BCL2L13: variants seen among roughly 807,000 people sequenced by gnomAD.
BCL2L13 encodes the protein bcl-2-like protein 13.
A neutral mutation model predicts 25.8 loss-of-function variants in BCL2L13; 13 were observed. That is an observed-to-expected ratio of 0.50 (90% CI 0.33 to 0.80). The LOEUF is 0.80. BCL2L13 is among the 30% of genes least tolerant of loss of function. The pLI is 0.02. For synonymous variants in BCL2L13, 244 were observed against 230.3 expected (o/e 1.06, Z -0.54); for missense variants, 504 against 574.9 (o/e 0.88, Z 1.26).
At chr22:17,725,993 A>T (rs1033912085) in intron 6 of BCL2L13, among the ~76,000 whole-genome samples, 1 of 151,966 alleles carries the variant, frequency 6.6e-6, no homozygotes, top group Non-Finnish European at 1.5e-5. Flanking sequence ...TTTGCCTGCA[A>T]CCCACCACAT....
exon 1 of BCL2L13, chr22:17,628,927 G>T: frequency 2.0e-6 from 1 of 502,846 alleles, no homozygotes; most frequent in Non-Finnish European, 3.6e-6. Flanking sequence ...CCTAAACTGG[G>T]ATCTTGGGTA....
intron 6 of BCL2L13, among the ~76,000 whole-genome samples, chr22:17,704,764 C>T (rs1473962272): frequency 6.6e-6 from 1 of 152,258 alleles, no homozygotes; most frequent in Middle Eastern, 3.4e-3. Flanking sequence ...ATGAACTGCA[C>T]TGAAATCTAC....
chr22:17,634,664 C>G (rs1206511738), upstream of BCL2L13, among the ~76,000 whole-genome samples: 1 of 152,098 alleles, frequency 6.6e-6, no homozygotes, highest in Non-Finnish European at 1.5e-5. Flanking sequence ...ATTGATTGGC[C>G]AGGCGTGGTG....
At chr22:17,711,304 C>CTTTTTCTTTTTTTT (rs2060752017) in intron 6 of BCL2L13, among the ~76,000 whole-genome samples, 1 of 125,388 alleles carries the variant, frequency 8.0e-6, no homozygotes, top group Non-Finnish European at 1.7e-5. Context: ...CATGATGGGC[C>CTTTTTCTTTTTTTT]TTTTTTTTTT....
Position 17,689,117 on chromosome 22 carries a change from AAAGC to A in BCL2L13, c.363_366del (p.Lys121AsnfsTer6). ...CCAGGAACTGAAAGAGCCTCTCCAT[AAAGC>A]ATTGCAAATGCTCCTGAGCCAGTGA... On this transcript the variant is annotated frameshift_variant, in exon 4 of 7. Coordinates refer to ENST00000317582, the MANE Select transcript of BCL2L13 (RefSeq NM_015367.4). LOFTEE classifies it high-confidence loss of function. The A allele has an allele frequency of 6.2e-7, 1 of 1,614,068 alleles. No individual in the cohort carries two copies. The highest frequency in any genetic ancestry group is 8.5e-7 in the Non-Finnish European group (1 of 1,179,972).
At chr22:17,634,908 ACTGTACT>A (rs1203286269), upstream of BCL2L13, among the ~76,000 whole-genome samples, 1 of 151,776 alleles carries the variant, frequency 6.6e-6, no homozygotes, top group Non-Finnish European at 1.5e-5. Flanking sequence ...TGATCACATC[ACTGTACT>A]CTAGCCTGGG....
intron 6 of BCL2L13, among the ~76,000 whole-genome samples, chr22:17,712,882 G>A (rs1176307671): frequency 6.6e-6 from 1 of 152,080 alleles, no homozygotes; most frequent in Non-Finnish European, 1.5e-5. Flanking sequence ...GCAAAGTTTG[G>A]GATATTACTG....
intron 3 of BCL2L13, among the ~76,000 whole-genome samples, chr22:17,685,557 T>C (rs143942158): frequency 0.012 from 1,829 of 152,164 alleles, 46 homozygotes; most frequent in African/African-American, 0.042. Flanking sequence ...GTCATCCATG[T>C]TGTAGCATGT....
At chr22:17,675,430 G>A (rs754475906) in intron 2 of BCL2L13, among the ~76,000 whole-genome samples, 6 of 152,154 alleles carry the variant, frequency 3.9e-5, no homozygotes, top group Non-Finnish European at 5.9e-5. Flanking sequence ...TTCTGATTAA[G>A]GGGAGGTCAA....
Position 17,727,614 on chromosome 22 carries a change from T to G in BCL2L13, c.*80T>G. ...GGAATTTGAACCTCCAGCAGCTGTC[T>G]GGACATTTGTGGAACACTCTGGGAT... On this transcript the variant is annotated 3_prime_UTR_variant, in exon 7 of 7. Coordinates refer to ENST00000317582, the MANE Select transcript of BCL2L13 (RefSeq NM_015367.4). 1 of 1,550,994 alleles carries G rather than the reference T, an allele frequency of 6.4e-7. No individual in the cohort carries two copies. The highest frequency in any genetic ancestry group is 2.3e-5 in the East Asian group (1 of 44,324).
intron 6 of BCL2L13, among the ~76,000 whole-genome samples, chr22:17,719,169 A>AG (rs1333699312): frequency 1.3e-5 from 2 of 151,102 alleles, no homozygotes; most frequent in Non-Finnish European, 3.0e-5. Flanking sequence ...AAAAAAAAAA[A>AG]AAAAAAAAGA....
chr22:17,669,843 CTGTT>C (rs1172765256), intron 2 of BCL2L13, among the ~76,000 whole-genome samples: 2 of 152,184 alleles, frequency 1.3e-5, no homozygotes, highest in Non-Finnish European at 2.9e-5. Context: ...CCTCGGGACT[CTGTT>C]TGAGGTCAAA....
chr22:17,639,534 T>A (rs958914803), intron 1 of BCL2L13, among the ~76,000 whole-genome samples: 3 of 152,176 alleles, frequency 2.0e-5, no homozygotes, highest in African/African-American at 4.8e-5. Flanking sequence ...GGCTCTAACC[T>A]AGCGTTGAAA....
chr22:17,719,250 C>T (rs1322182326), intron 6 of BCL2L13, among the ~76,000 whole-genome samples: 10 of 150,490 alleles, frequency 6.6e-5, no homozygotes, highest in African/African-American at 1.2e-4. Flanking sequence ...TTGAATTACA[C>T]GTCATTCTAA....
chr22:17,644,949 A>G (rs913545762), intron 1 of BCL2L13, among the ~76,000 whole-genome samples: 2 of 150,438 alleles, frequency 1.3e-5, no homozygotes, highest in Non-Finnish European at 2.9e-5. Context: ...AGCTGGGATT[A>G]TAGGCACACG....
In BCL2L13 at chr22:17,655,675, A is replaced by G. The variant is rs184553882; in HGVS notation, c.-37A>G. ...TTTTGTTCTTAGGTTTTACACATCC[A>G]TAAGTAGACCTTTTTGGAGCCTCAC... On this transcript the variant is annotated 5_prime_UTR_variant, in exon 2 of 7. Coordinates refer to ENST00000317582, the MANE Select transcript of BCL2L13 (RefSeq NM_015367.4). 1.4e-5 allele frequency: 22 copies of G among 1,602,776 alleles called. No homozygotes were observed. The East Asian group carries it at 4.0e-4, about 29-fold the overall frequency.
At chr22:17,714,306 G>T (rs768651692) in intron 6 of BCL2L13, among the ~76,000 whole-genome samples, 25 of 151,938 alleles carry the variant, frequency 1.6e-4, no homozygotes, top group Non-Finnish European at 2.5e-4. Context: ...AAAAAAATTA[G>T]CCAGGTGTGA....
chr22:17,652,686 G>A (rs185896385), intron 1 of BCL2L13, among the ~76,000 whole-genome samples: 3 of 152,194 alleles, frequency 2.0e-5, no homozygotes, highest in East Asian at 1.9e-4. Flanking sequence ...TAATCCACCC[G>A]CCTCAGCCTC....
chr22:17,726,283 G>A (rs912273254), intron 6 of BCL2L13, among the ~76,000 whole-genome samples: 8 of 151,696 alleles, frequency 5.3e-5, no homozygotes, highest in Non-Finnish European at 1.2e-4. Flanking sequence ...CCTGGGACGC[G>A]GAGGTTGCAG....
Sources: allele counts gnomAD v4.1 joint callset (sites outside exome capture counted in the v4.1 genomes callset), GRCh38; gene constraint gnomAD v4.1.1; transcripts MANE v1.5; gene names NCBI Gene and HGNC (gene_info 2026-07-23, HGNC 2026-07-21).